Variants in CCBE1 observed in about 807,000 individuals in gnomAD.
The protein encoded by CCBE1 is collagen and calcium-binding EGF domain-containing protein 1.
Under a neutral mutation model 50.0 loss-of-function variants are expected in CCBE1, and 37 were observed. The observed-to-expected ratio is 0.74, with a 90% CI of 0.57 to 0.97. The LOEUF is 0.97. Among genes scored for constraint, CCBE1 ranks in the 50% least tolerant of loss-of-function variants. The pLI is 0.00. For synonymous variants in CCBE1, 234 were observed against 203.7 expected (o/e 1.15, Z -1.27); for missense variants, 538 against 523.8 (o/e 1.03, Z -0.26).
rs1055301869 is a variant in CCBE1, at chr18:59,506,929, T to C, written c.213-26691A>G. Among the ~76,000 whole-genome samples, 15 of 152,220 alleles carry C rather than the reference T, an allele frequency of 9.9e-5. 1 individual carries two copies. Among genetic ancestry groups the C allele is most frequent in the Admixed American group, 9.2e-4 (14 of 15,288 alleles). Reference sequence around the variant, plus strand: ...TGTTGAAGTCCCATTCTCTGTCCTGTACTGGGTCTTCTTTTCCTCCAATCT... The same window carrying C: ...TGTTGAAGTCCCATTCTCTGTCCTGCACTGGGTCTTCTTTTCCTCCAATCT... On this transcript the variant is annotated intron_variant, in intron 2 of 10. Transcript: ENST00000439986.
chr18:59,454,910 A>G lies in CCBE1; in HGVS notation c.595T>C (p.Cys199Arg), dbSNP rs754395292. 6.2e-7 allele frequency: 1 copy of G among 1,614,228 alleles called. No individual in the cohort carries two copies. The stretch of plus-strand genomic sequence containing the variant: ...TGGTAGAACTCCTTGCATGTGGCAC[A>G]GCAAGTTCCGGCTTTCACCATGTTC... The part of the protein sequence containing the change: ...SENMVKAGTC[C>R]ATCKEFYQMK... The change falls in exon 6 of 11, where the codon TGT (cysteine) becomes CGT (arginine). Residue 199 changes from cysteine (C) to arginine (R), a missense_variant. Coordinates refer to ENST00000439986, the MANE Select transcript of CCBE1 (RefSeq NM_133459.4).
intron 2 of CCBE1, among the ~76,000 whole-genome samples, chr18:59,617,494 G>A (rs2053652240): frequency 6.6e-6 from 1 of 152,232 alleles, no homozygotes; most frequent in African/African-American, 2.4e-5. Context: ...AATCAAAATG[G>A]AGAGAAATTG....
chr18:59,611,165 G>A (rs772906303), intron 2 of CCBE1, among the ~76,000 whole-genome samples: 20 of 152,342 alleles, frequency 1.3e-4, no homozygotes, highest in Non-Finnish European at 2.2e-4. Flanking sequence ...TATGAGCAAC[G>A]CAGTCTTAAT....
chr18:59,476,424 C>G (rs921597088), intron 3 of CCBE1, among the ~76,000 whole-genome samples: 2 of 152,190 alleles, frequency 1.3e-5, no homozygotes, highest in Non-Finnish European at 2.9e-5. Context: ...TATCACCTGG[C>G]CAATCAAGAC....
intron 4 of CCBE1, 37 bp downstream of exon 4, chr18:59,469,436 T>C: frequency 6.2e-7 from 1 of 1,613,994 alleles, no homozygotes; most frequent in South Asian, 1.1e-5. Context: ...ACAAGGCACA[T>C]GTTCAGAAGC....
intron 5 of CCBE1, among the ~76,000 whole-genome samples, chr18:59,459,978 C>T (rs1042323671): frequency 1.3e-5 from 2 of 152,142 alleles, no homozygotes; most frequent in Admixed American, 6.6e-5. Flanking sequence ...CCAGGGGTCA[C>T]GGTCACGTTA....
chr18:59,615,512 AG>A (rs1398098565), intron 2 of CCBE1, among the ~76,000 whole-genome samples: 10 of 151,614 alleles, frequency 6.6e-5, no homozygotes, highest in African/African-American at 2.4e-4. Flanking sequence ...AAAAAAAAAA[AG>A]ACAGAAGAGA....
intron 2 of CCBE1, among the ~76,000 whole-genome samples, chr18:59,632,554 G>A (rs549870344): frequency 7.2e-5 from 11 of 151,884 alleles, no homozygotes; most frequent in African/African-American, 1.4e-4. Context: ...AATTACAGGC[G>A]TGAGCCACTG....
chr18:59,546,344 A>G (rs1009855352), intron 2 of CCBE1, among the ~76,000 whole-genome samples: 4 of 152,230 alleles, frequency 2.6e-5, no homozygotes, highest in Admixed American at 6.5e-5. Flanking sequence ...TTCACACTCT[A>G]ATGTTATCAC....
chr18:59,612,340 AAAAC>A (rs1360370797), intron 2 of CCBE1, among the ~76,000 whole-genome samples: 7 of 150,796 alleles, frequency 4.6e-5, no homozygotes, highest in Non-Finnish European at 7.4e-5. Flanking sequence ...GAAAAAAAAA[AAAAC>A]AAACAATCCT....
Position 59,448,078 on chromosome 18 carries a change from G to A in CCBE1, c.680C>T (p.Ala227Val). The change falls in exon 7 of 11, where the codon GCT becomes GTT. Residue 227 changes from alanine to valine, a missense_variant. Ala to Val is a moderately conservative substitution (Grantham distance 64). Coordinates refer to ENST00000439986, the MANE Select transcript of CCBE1 (RefSeq NM_133459.4). The part of the protein sequence containing the change: ...QKIALLPNNA[A>V]DLGKYITGDK... ...ACCAGTGATATACTTGCCCAGGTCA[G>A]CTGCATTGTTGGGGAGCAGAGCAAT... is the stretch of plus-strand genomic sequence containing the variant. 1 of 1,614,172 alleles carries A rather than the reference G, an allele frequency of 6.2e-7. No homozygotes were observed. Among genetic ancestry groups the A allele is most frequent in the Non-Finnish European group, 8.5e-7 (1 of 1,180,046 alleles).
intron 2 of CCBE1, among the ~76,000 whole-genome samples, chr18:59,632,069 GAACA>G (rs920906961): frequency 7.2e-5 from 11 of 152,268 alleles, no homozygotes; most frequent in African/African-American, 2.6e-4. Flanking sequence ...CAAAACAAGA[GAACA>G]AATAACTAAG....
At chr18:59,578,226 G>C (rs2053028703) in intron 2 of CCBE1, among the ~76,000 whole-genome samples, 1 of 152,176 alleles carries the variant, frequency 6.6e-6, no homozygotes, top group African/African-American at 2.4e-5. Flanking sequence ...TCATTAGAGA[G>C]ATGCAAATCA....
At chr18:59,448,462 G>A (rs1164916405) in intron 6 of CCBE1, among the ~76,000 whole-genome samples, 2 of 151,834 alleles carry the variant, frequency 1.3e-5, no homozygotes, top group Admixed American at 6.6e-5. Context: ...CACCTACTAT[G>A]TGCAGGTCCT....
intron 2 of CCBE1, among the ~76,000 whole-genome samples, chr18:59,651,268 CAT>C (rs2054124415): frequency 6.6e-6 from 1 of 152,344 alleles, no homozygotes; most frequent in Middle Eastern, 3.4e-3. Flanking sequence ...AGTTGACACA[CAT>C]GAGTTGTTGC....
intron 7 of CCBE1, among the ~76,000 whole-genome samples, chr18:59,444,990 A>G (rs1910607357): frequency 6.6e-6 from 1 of 152,030 alleles, no homozygotes; most frequent in African/African-American, 2.4e-5. Context: ...TCCATCCTGT[A>G]GGTTGTTTTT....
intron 5 of CCBE1, among the ~76,000 whole-genome samples, chr18:59,461,751 G>A (rs1475103376): frequency 2.2e-4 from 5 of 22,708 alleles, no homozygotes; most frequent in Non-Finnish European, 4.6e-4. Context: ...TTTTTTTTTT[G>A]AGACAGAGTT....
At chr18:59,536,682 TAAGTC>T (rs1467960642) in intron 2 of CCBE1, among the ~76,000 whole-genome samples, 1 of 152,066 alleles carries the variant, frequency 6.6e-6, no homozygotes, top group African/African-American at 2.4e-5. Flanking sequence ...TTCTTGACAC[TAAGTC>T]AAGAAAATAA....
rs371726664 is a variant in CCBE1 at position 59,446,525 on chromosome 18, A to G, written c.775+1458T>C. 2.9e-4 allele frequency among the ~76,000 whole-genome samples: 44 copies of G among 152,296 alleles called. No homozygotes were observed. In the South Asian group the frequency reaches 8.7e-3, roughly 30 times the overall value. On this transcript the variant is annotated intron_variant, in intron 7 of 10. Coordinates refer to ENST00000439986, the MANE Select transcript of CCBE1 (RefSeq NM_133459.4). ...TGAACGAGGATAAGCCAAATCCTGA[A>G]TCGTCTTATTCTCTGGATGGACGGA...
Sources: allele counts gnomAD v4.1 joint callset (sites outside exome capture counted in the v4.1 genomes callset), GRCh38; gene constraint gnomAD v4.1.1; transcripts MANE v1.5; gene names NCBI Gene and HGNC (gene_info 2026-07-23, HGNC 2026-07-21).